The following PRPF18 variants were observed in gnomAD, a reference collection of about 807,000 sequenced individuals.
PRPF18 encodes the protein pre-mRNA processing factor 18.
PRPF18 carries 38 observed loss-of-function variants against 46.5 expected under a neutral mutation model. The ratio of observed to expected loss-of-function variants is 0.82; its 90% CI spans 0.63 to 1.07. The LOEUF (loss-of-function observed/expected upper bound fraction) is 1.07. PRPF18 is among the 50% of genes least tolerant of loss of function. The pLI is 0.00. For synonymous variants in PRPF18, 152 were observed against 146.7 expected (o/e 1.04, Z -0.26); for missense variants, 263 against 410.0 (o/e 0.64, Z 3.10).
chr10:13,596,578 A>G (rs1285782523), intron 1 of PRPF18, among the ~76,000 whole-genome samples: 2 of 152,210 alleles, frequency 1.3e-5, no homozygotes, highest in Non-Finnish European at 2.9e-5. Flanking sequence ...GAACAAAGCC[A>G]TCTTTGGAAT....
At chr10:13,603,113 T>C (rs1268560452) in intron 3 of PRPF18, among the ~76,000 whole-genome samples, 2 of 152,244 alleles carry the variant, frequency 1.3e-5, no homozygotes, top group African/African-American at 4.8e-5. Flanking sequence ...TTTTGTGAGA[T>C]CCATCATTAG....
chr10:13,597,621 G>A (rs1170524208), intron 2 of PRPF18, 86 bp downstream of exon 2: 5 of 1,604,228 alleles, frequency 3.1e-6, no homozygotes, highest in Non-Finnish European at 4.3e-6. Context: ...ATTGATCTCT[G>A]TTCAATTTAT....
chr10:13,650,397 C>CACATGTATGCA, the PRPF18 span, among the ~76,000 whole-genome samples: 29 of 152,144 alleles, frequency 1.9e-4, no homozygotes, highest in African/African-American at 6.5e-4. Context: ...CCTGCATGTG[C>CACATGTATGCA]ACATGTATGC....
chr10:13,602,245 T>G (rs1056773650), intron 3 of PRPF18, among the ~76,000 whole-genome samples: 1 of 152,234 alleles, frequency 6.6e-6, no homozygotes, highest in Non-Finnish European at 1.5e-5. Context: ...TTTCTATTAG[T>G]GATTATTAGA....
Position 13,605,662 on chromosome 10 carries a change from C to A in PRPF18, c.281C>A (p.Pro94Gln). The stretch of plus-strand genomic sequence containing the variant: ...AGAAGATTGAGAGAAAGAGGAGAAC[C>A]AATCAGACTATTTGGAGAGACTGAT... ...VIRRLRERGE[P>Q]IRLFGETDYD... The change falls in exon 4 of 10, where the codon CCA becomes CAA. Residue 94 changes from proline to glutamine, a missense_variant. By Grantham distance (76) the Pro-to-Gln change is moderately conservative. Transcript: ENST00000378572. The A allele has an allele frequency of 6.2e-7, 1 of 1,610,686 alleles. No individual in the cohort carries two copies. The highest frequency in any genetic ancestry group is 2.2e-5 in the East Asian group (1 of 44,720).
At chr10:13,595,704 G>A (rs1832084317) in intron 1 of PRPF18, among the ~76,000 whole-genome samples, 1 of 152,160 alleles carries the variant, frequency 6.6e-6, no homozygotes, top group African/African-American at 2.4e-5. Flanking sequence ...ATGTTCAGAT[G>A]ATACCATCGG....
intron 3 of PRPF18, among the ~76,000 whole-genome samples, chr10:13,605,093 A>G (rs945122410): frequency 1.3e-5 from 2 of 152,182 alleles, no homozygotes; most frequent in Non-Finnish European, 2.9e-5. Context: ...GTCAAAATAG[A>G]TTTTTAAAGT....
intron 8 of PRPF18, among the ~76,000 whole-genome samples, chr10:13,615,891 C>A (rs1337635661): frequency 6.6e-6 from 1 of 152,148 alleles, no homozygotes; most frequent in Non-Finnish European, 1.5e-5. Context: ...CTGTTAAAGA[C>A]CCTGTGTGGT....
At chr10:13,594,971 G>A (rs149252491) in intron 1 of PRPF18, among the ~76,000 whole-genome samples, 159 of 152,350 alleles carry the variant, frequency 1.0e-3, no homozygotes, top group South Asian at 3.5e-3. Flanking sequence ...TTAAAAGGCT[G>A]TGTACTCAAA....
At chr10:13,623,470 T>C (rs141718720) in intron 9 of PRPF18, among the ~76,000 whole-genome samples, 2,297 of 152,318 alleles carry the variant, frequency 0.015, 33 homozygotes, top group Non-Finnish European at 0.027. Flanking sequence ...ACTCATCTTG[T>C]TTTTTTATTC....
chr10:13,587,090 G>A lies in PRPF18; in HGVS notation c.4G>A (p.Asp2Asn). M[D>N]ILKSEILRKR... ...GAGCTTAAATTCTGGCGGCGAGATGGACATTCTGAAATCAGAGATCCTTCG... is the reference window on the plus strand; with the variant it reads ...GAGCTTAAATTCTGGCGGCGAGATGAACATTCTGAAATCAGAGATCCTTCG... The change falls in exon 1 of 10, where the codon GAC (aspartate) becomes AAC (asparagine). Residue 2 changes from aspartate (D) to asparagine (N), a missense_variant. Asp to Asn is a conservative substitution (Grantham distance 23, BLOSUM62 1). Around this residue, in one of 4 missense-constraint regions of PRPF18, gnomAD observed 71 missense variants for 69.2 expected, o/e 1.03. Coordinates refer to ENST00000378572, the MANE Select transcript of PRPF18 (RefSeq NM_003675.4). The A allele has an allele frequency of 6.2e-7, 1 of 1,614,148 alleles. No individual in the cohort carries two copies. The highest frequency in any genetic ancestry group is 8.5e-7 in the Non-Finnish European group (1 of 1,179,960).
intron 9 of PRPF18, among the ~76,000 whole-genome samples, chr10:13,626,553 G>A (rs562886030): frequency 1.4e-4 from 22 of 152,274 alleles, no homozygotes; most frequent in East Asian, 3.8e-4. Flanking sequence ...AGGCGTGTGC[G>A]TGCATATGTG....
At chr10:13,648,817 C>T in the PRPF18 span, 2 of 152,114 alleles carry the variant, frequency 1.3e-5, no homozygotes, top group Non-Finnish European at 1.5e-5. Flanking sequence ...CTAACACAAA[C>T]ATGATCTGGG....
At chr10:13,618,265 G>A (rs1044532313) in intron 9 of PRPF18, among the ~76,000 whole-genome samples, 1 of 151,684 alleles carries the variant, frequency 6.6e-6, no homozygotes, top group Non-Finnish European at 1.5e-5. Context: ...TAGGAAGGAA[G>A]GATTACCATA....
intron 2 of PRPF18, among the ~76,000 whole-genome samples, chr10:13,599,451 T>C (rs747993503): frequency 3.3e-5 from 5 of 152,224 alleles, no homozygotes; most frequent in African/African-American, 4.8e-5. Context: ...ATTTATCTTA[T>C]GGTCAGATGG....
intron 9 of PRPF18, among the ~76,000 whole-genome samples, chr10:13,617,325 A>T (rs1316668690): frequency 6.6e-6 from 1 of 152,250 alleles, no homozygotes; most frequent in Admixed American, 6.5e-5. Flanking sequence ...TACCATATTC[A>T]TGAAATATCT....
the PRPF18 span, among the ~76,000 whole-genome samples, chr10:13,635,878 T>A: frequency 6.6e-6 from 1 of 152,280 alleles, no homozygotes; most frequent in South Asian, 2.1e-4. Context: ...TGGCTCTCAT[T>A]GTTAGTGTGA....
chr10:13,614,517 A>G (rs757488642), intron 8 of PRPF18, among the ~76,000 whole-genome samples: 1 of 152,204 alleles, frequency 6.6e-6, no homozygotes, highest in Non-Finnish European at 1.5e-5. Flanking sequence ...TGTTGCACTG[A>G]TGGTACAGTG....
chr10:13,600,149 A>T (rs1413106390), intron 2 of PRPF18, 95 bp from the exon 3 acceptor site: 1 of 984,250 alleles, frequency 1.0e-6, no homozygotes, highest in African/African-American at 1.7e-5. Context: ...TTCAGTGTTG[A>T]AAACATGTTT....
Sources: gnomAD v4.1 joint callset for allele counts (sites outside exome capture counted in the v4.1 genomes callset) on GRCh38, gnomAD v4.1.1 for gene constraint, gnomAD v4.1.1 regional missense constraint, MANE v1.5 for transcripts, NCBI Gene and HGNC (gene_info 2026-07-23, HGNC 2026-07-21) for gene names.